Variants in MCCC1 observed in about 807,000 individuals in gnomAD.
MCCC1 encodes the protein methylcrotonyl-CoA carboxylase subunit 1.
MCCC1 carries 64 observed loss-of-function variants against 83.8 expected under a neutral mutation model. The ratio of observed to expected loss-of-function variants is 0.76; its 90% CI spans 0.62 to 0.94. The LOEUF (loss-of-function observed/expected upper bound fraction) is 0.94, where lower values mean the gene tolerates loss of function less well. MCCC1 is among the 40% of genes least tolerant of loss of function. The pLI is 0.00. For missense variants in MCCC1, 807 were observed against 904.7 expected (o/e 0.89, Z 1.39); for synonymous variants, 322 against 315.4 (o/e 1.02, Z -0.22).
chr3:183,055,859 C>T (rs1715384248), intron 8 of MCCC1, among the ~76,000 whole-genome samples: 2 of 152,164 alleles, frequency 1.3e-5, no homozygotes, highest in African/African-American at 4.8e-5. Context: ...GATCATGCCA[C>T]TGCACTCCAG....
chr3:183,038,928 A>G, intron 12 of MCCC1, 98 bp downstream of exon 12: 1 of 1,090,246 alleles, frequency 9.2e-7, no homozygotes, highest in South Asian at 1.3e-5. Flanking sequence ...GGAAATAGAA[A>G]ATATGCTGAC....
Position 183,082,253 on chromosome 3 carries a change from G to A in MCCC1, c.369+4440C>T, listed in dbSNP as rs188374705. Reference sequence around the variant, plus strand: ...GTCAACCACAGAGTAGCTGTATTCAGTAAATGACTTGCTATATGCATTTAA... The same window carrying A: ...GTCAACCACAGAGTAGCTGTATTCAATAAATGACTTGCTATATGCATTTAA... On this transcript the variant is annotated intron_variant, in intron 4 of 18. Transcript: ENST00000265594. 9.7e-4 allele frequency among the ~76,000 whole-genome samples: 147 copies of A among 152,246 alleles called. 2 individuals are homozygous for A. Among genetic ancestry groups the A allele is most frequent in the African/African-American group, 3.4e-3 (140 of 41,552 alleles).
Position 183,057,165 on chromosome 3 carries a change from T to A in MCCC1, c.873+146A>T, listed in dbSNP as rs1715483449. 3 of 697,894 alleles carry A rather than the reference T, an allele frequency of 4.3e-6. No homozygotes were observed. In the South Asian group the frequency reaches 4.7e-5, roughly 11 times the overall value. 43.2% of individuals were successfully genotyped at this position (697,894 alleles called of 1,614,324 possible). A position where few individuals can be genotyped will look rare whatever the true frequency, so the allele number is the denominator to read the frequency against. ...TCCTCATCCCCAATACCACAGGAGG[T>A]CTTTTCACTACACTGCTATTAGGCA... On this transcript the variant is annotated intron_variant, in intron 8 of 18. Coordinates refer to ENST00000265594, the MANE Select transcript of MCCC1 (RefSeq NM_020166.5).
chr3:183,026,285 A>T (rs1232512662), intron 14 of MCCC1, among the ~76,000 whole-genome samples: 1 of 152,178 alleles, frequency 6.6e-6, no homozygotes, highest in Non-Finnish European at 1.5e-5. Context: ...CAAGTGATCC[A>T]TCTGCCTGGG....
chr3:183,095,408 G>A (rs1718668492), intron 1 of MCCC1, among the ~76,000 whole-genome samples: 1 of 152,108 alleles, frequency 6.6e-6, no homozygotes, highest in Non-Finnish European at 1.5e-5. Flanking sequence ...CATGAGACAT[G>A]TTTAAAAAGT....
chr3:183,027,444 C>T (rs1712704635), intron 14 of MCCC1, among the ~76,000 whole-genome samples: 1 of 152,120 alleles, frequency 6.6e-6, no homozygotes, highest in African/African-American at 2.4e-5. Context: ...TGCCAAACCA[C>T]CAAGTTGTGA....
At chr3:183,015,790 C>G (rs1711562977) in intron 18 of MCCC1, among the ~76,000 whole-genome samples, 1 of 152,056 alleles carries the variant, frequency 6.6e-6, no homozygotes, top group Admixed American at 6.6e-5. Context: ...CACTGGGACA[C>G]AGCAGTAACC....
intron 7 of MCCC1, among the ~76,000 whole-genome samples, chr3:183,058,904 T>A (rs187356788): frequency 3.9e-5 from 6 of 152,200 alleles, no homozygotes; most frequent in African/African-American, 1.4e-4. Flanking sequence ...CTGTCAAACA[T>A]AGAAGAGACA....
intron 1 of MCCC1, among the ~76,000 whole-genome samples, chr3:183,110,085 A>AT (rs1339601359): frequency 6.6e-6 from 1 of 152,120 alleles, no homozygotes; most frequent in East Asian, 1.9e-4. Context: ...TCCTTTGCCC[A>AT]TTTTTAATAG....
At chr3:183,045,350 G>A in intron 10 of MCCC1, 63 bp downstream of exon 10, 1 of 1,600,854 alleles carries the variant, frequency 6.2e-7, no homozygotes, top group Non-Finnish European at 8.5e-7. Flanking sequence ...AAAGTGCTGG[G>A]ACTACAGGCT....
At chr3:183,073,677 G>C (rs1716859654) in intron 4 of MCCC1, among the ~76,000 whole-genome samples, 1 of 152,212 alleles carries the variant, frequency 6.6e-6, no homozygotes, top group Non-Finnish European at 1.5e-5. Flanking sequence ...AAAATGACAT[G>C]AATTTGTTTT....
chr3:183,036,706 A>AT (rs1407064501), intron 13 of MCCC1, among the ~76,000 whole-genome samples: 4 of 151,852 alleles, frequency 2.6e-5, no homozygotes, highest in South Asian at 4.2e-4. Flanking sequence ...CACCCAGCTT[A>AT]TTTTTTGTAT....
intron 4 of MCCC1, among the ~76,000 whole-genome samples, chr3:183,075,695 C>T (rs1449951893): frequency 6.6e-6 from 1 of 152,074 alleles, no homozygotes; most frequent in Admixed American, 6.6e-5. Context: ...TGCCTGCCAC[C>T]ACGCCCTGCT....
rs530659455 is a variant in MCCC1 at position 183,110,336 on chromosome 3, T to A, written c.-102+5138A>T. On this transcript the variant is annotated intron_variant, in intron 1 of 17. Transcript: ENST00000492597. ...CTTTTGCCAAGGCTGATGTTCAGAA[T>A]GGTATTTTCTAGGTATTCTTCCAGG... Among the ~76,000 whole-genome samples the A allele has an allele frequency of 4.5e-4, 69 of 152,164 alleles. 1 individual carries two copies. Among genetic ancestry groups the A allele is most frequent in the African/African-American group, 1.7e-3 (69 of 41,520 alleles).
At chr3:183,108,885 T>G (rs1260483664) in intron 1 of MCCC1, among the ~76,000 whole-genome samples, 3 of 152,218 alleles carry the variant, frequency 2.0e-5, no homozygotes, top group Non-Finnish European at 4.4e-5. Context: ...AATGACCCAT[T>G]ACAGCATCAT....
intron 15 of MCCC1, 27 bp downstream of exon 15, chr3:183,025,728 C>A: frequency 1.9e-6 from 3 of 1,606,828 alleles, no homozygotes; most frequent in African/African-American, 1.3e-5. Context: ...CAGCTCTGCA[C>A]TGTAGAACAA....
chr3:183,067,970 T>C (rs1716379770), intron 7 of MCCC1, among the ~76,000 whole-genome samples: 1 of 152,186 alleles, frequency 6.6e-6, no homozygotes, highest in Non-Finnish European at 1.5e-5. Flanking sequence ...ATACCGATGC[T>C]TTCTAACTAA....
upstream of MCCC1, among the ~76,000 whole-genome samples, chr3:183,100,026 G>GTTC: frequency 6.6e-6 from 1 of 152,288 alleles, no homozygotes; most frequent in South Asian, 2.1e-4. Flanking sequence ...ACTACATGTA[G>GTTC]ATGCTTCATG....
intron 3 of MCCC1, among the ~76,000 whole-genome samples, chr3:183,091,333 C>T (rs938346044): frequency 1.3e-5 from 2 of 152,048 alleles, no homozygotes; most frequent in Non-Finnish European, 2.9e-5. Flanking sequence ...TTTGGGAGGC[C>T]AAGGTGGGTG....
Sources: gnomAD v4.1 joint callset for allele counts (sites outside exome capture counted in the v4.1 genomes callset) on GRCh38, gnomAD v4.1.1 for gene constraint, MANE v1.5 for transcripts, NCBI Gene and HGNC (gene_info 2026-07-23, HGNC 2026-07-21) for gene names.